OSBPL10: variants seen among roughly 807,000 people sequenced by gnomAD.
OSBPL10 encodes the protein oxysterol binding protein like 10, also known as oxysterol-binding protein-related protein 10.
In OSBPL10, 49 loss-of-function variants were observed where a neutral mutation model predicts 81.7. That is an observed-to-expected ratio of 0.60 (90% CI 0.48 to 0.76). The LOEUF (loss-of-function observed/expected upper bound fraction) is 0.76, where lower values mean the gene tolerates loss of function less well. Ranked by LOEUF, OSBPL10 falls within the 30% of genes least tolerant of loss-of-function variation. The pLI is 0.00. For missense variants in OSBPL10, 923 were observed against 987.8 expected, an observed-to-expected ratio of 0.93 and a Z score of 0.88; for synonymous variants, 419 against 383.6, an observed-to-expected ratio of 1.09 and a Z score of -1.08.
At chr3:31,744,929 C>T (rs1366264994) in intron 5 of OSBPL10, among the ~76,000 whole-genome samples, 6 of 152,052 alleles carry the variant, frequency 3.9e-5, no homozygotes, top group African/African-American at 1.4e-4. Context: ...GCAGAAGCTG[C>T]AAGTTACAAT....
intron 5 of OSBPL10, among the ~76,000 whole-genome samples, chr3:31,745,921 A>G (rs1390102939): frequency 6.6e-6 from 1 of 152,236 alleles, no homozygotes; most frequent in Non-Finnish European, 1.5e-5. Flanking sequence ...AGCATGAAAT[A>G]TAAAGACTAT....
intron 6 of OSBPL10, among the ~76,000 whole-genome samples, chr3:31,704,416 G>C (rs3792550): frequency 0.62 from 94,382 of 152,076 alleles, 30,472 homozygotes; most frequent in Non-Finnish European, 0.72. Flanking sequence ...TTCCTCTCAT[G>C]CCAGCACCAG....
intron 4 of OSBPL10, among the ~76,000 whole-genome samples, chr3:31,815,401 C>G: frequency 6.6e-6 from 1 of 152,320 alleles, no homozygotes; most frequent in East Asian, 1.9e-4. Context: ...ATCAGGGCAG[C>G]TTATGACTCT....
intron 4 of OSBPL10, among the ~76,000 whole-genome samples, chr3:31,755,684 T>C (rs952777752): frequency 6.6e-6 from 1 of 152,156 alleles, no homozygotes; most frequent in Non-Finnish European, 1.5e-5. Flanking sequence ...AACAAAAGAG[T>C]GGTTGAAAGG....
At chr3:31,731,426 C>T (rs1444100610) in intron 6 of OSBPL10, among the ~76,000 whole-genome samples, 1 of 151,878 alleles carries the variant, frequency 6.6e-6, no homozygotes, top group African/African-American at 2.4e-5. Context: ...AAAGCTCTGG[C>T]TAGTTCTTCT....
chr3:31,690,659 T>C (rs953944301), intron 7 of OSBPL10, among the ~76,000 whole-genome samples: 8 of 152,240 alleles, frequency 5.3e-5, no homozygotes, highest in African/African-American at 1.9e-4. Flanking sequence ...ATGTATTCTG[T>C]ACTTTAAAAT....
chr3:31,809,949 A>C (rs1036580138), intron 4 of OSBPL10, among the ~76,000 whole-genome samples: 2 of 139,062 alleles, frequency 1.4e-5, no homozygotes, highest in Non-Finnish European at 3.0e-5. Flanking sequence ...TCGGTTCACC[A>C]CAACCTCTGC....
At chr3:31,994,478 G>A (rs943391361) in intron 2 of OSBPL10, among the ~76,000 whole-genome samples, 4 of 150,566 alleles carry the variant, frequency 2.7e-5, no homozygotes, top group Non-Finnish European at 5.9e-5. Context: ...AGTTCCCTAT[G>A]TCAGGGAAAA....
intron 1 of OSBPL10, among the ~76,000 whole-genome samples, chr3:31,912,342 C>T (rs1337073694): frequency 6.7e-6 from 1 of 149,126 alleles, no homozygotes; most frequent in African/African-American, 2.5e-5. Flanking sequence ...TGCAGTGAGC[C>T]GAGATTTGCG....
intron 1 of OSBPL10, chr3:32,065,032 G>T: frequency 1.1e-5 from 1 of 92,330 alleles, no homozygotes; most frequent in Non-Finnish European, 2.9e-5. Flanking sequence ...TTCTTTCTTG[G>T]CTAATCTCTT....
chr3:32,041,381 T>C (rs368574594), intron 2 of OSBPL10, among the ~76,000 whole-genome samples: 1 of 152,220 alleles, frequency 6.6e-6, no homozygotes, highest in African/African-American at 2.4e-5. Context: ...CCAGTCTACA[T>C]TTCCAACCCC....
rs184190765 is a variant in OSBPL10, at chr3:31,772,321, G to C, written c.730-24201C>G. On this transcript the variant is annotated intron_variant, in intron 4 of 11. Coordinates refer to ENST00000396556, the MANE Select transcript of OSBPL10 (RefSeq NM_017784.5). ...CCCTTTCCTTTTTAACATTTAGCAG[G>C]TACAGTCAATCCTCATTATTCACAG... Among the ~76,000 whole-genome samples, 148 of 152,212 alleles carry C rather than the reference G, an allele frequency of 9.7e-4. 1 individual carries two copies. The highest frequency in any genetic ancestry group is 3.5e-3 in the African/African-American group (145 of 41,530).
At chr3:31,739,839 T>C (rs1697286521) in intron 5 of OSBPL10, among the ~76,000 whole-genome samples, 1 of 152,268 alleles carries the variant, frequency 6.6e-6, no homozygotes, top group South Asian at 2.1e-4. Flanking sequence ...ATGTAAACTT[T>C]TGATATTTTG....
intron 4 of OSBPL10, among the ~76,000 whole-genome samples, chr3:31,823,937 C>T (rs1422422263): frequency 3.3e-5 from 5 of 151,988 alleles, no homozygotes; most frequent in Non-Finnish European, 5.9e-5. Flanking sequence ...GTGCAGCCTC[C>T]ACTGCCCAGG....
intron 4 of OSBPL10, among the ~76,000 whole-genome samples, chr3:31,753,603 G>A (rs1697787529): frequency 6.6e-6 from 1 of 152,072 alleles, no homozygotes; most frequent in Admixed American, 6.6e-5. Flanking sequence ...TAATTTTCCA[G>A]GGGACTCCAT....
At chr3:31,767,173 A>G (rs753244518) in intron 4 of OSBPL10, among the ~76,000 whole-genome samples, 8 of 152,222 alleles carry the variant, frequency 5.3e-5, no homozygotes, top group Non-Finnish European at 8.8e-5. Context: ...GGATTTTGCT[A>G]CAATATTAGC....
chr3:31,752,647 A>T (rs1215560901), intron 4 of OSBPL10, among the ~76,000 whole-genome samples: 1 of 152,238 alleles, frequency 6.6e-6, no homozygotes, highest in East Asian at 1.9e-4. Flanking sequence ...TGAAACGAAG[A>T]TGCAAAGATC....
At chr3:32,017,909 G>A (rs1197098794) in intron 2 of OSBPL10, among the ~76,000 whole-genome samples, 1 of 152,166 alleles carries the variant, frequency 6.6e-6, no homozygotes, top group Non-Finnish European at 1.5e-5. Context: ...AGCACTTTGA[G>A]AGGCCGAGGC....
At chr3:31,743,606 T>C (rs937843995) in intron 5 of OSBPL10, among the ~76,000 whole-genome samples, 2 of 151,752 alleles carry the variant, frequency 1.3e-5, no homozygotes, top group African/African-American at 4.8e-5. Context: ...TTAAATACTA[T>C]ACAAGATGAA....
Sources: gnomAD v4.1 joint callset for allele counts (sites outside exome capture counted in the v4.1 genomes callset) on GRCh38, gnomAD v4.1.1 for gene constraint, MANE v1.5 for transcripts, NCBI Gene and HGNC (gene_info 2026-07-23, HGNC 2026-07-21) for gene names.